Variants in PDE4D observed in about 807,000 individuals in gnomAD.
PDE4D encodes the protein 3',5'-cyclic-AMP phosphodiesterase 4D.
PDE4D carries 24 observed loss-of-function variants against 87.4 expected under a neutral mutation model. That is an observed-to-expected ratio of 0.27 (90% CI 0.20 to 0.39). The LOEUF (loss-of-function observed/expected upper bound fraction) is 0.39. Ranked by LOEUF, PDE4D falls within the 10% of genes least tolerant of loss-of-function variation. The probability of loss-of-function intolerance (pLI) is 1.00; values close to 1 mark genes in which losing one functional copy is unlikely to be tolerated. For synonymous variants in PDE4D, 384 were observed against 383.2 expected (o/e 1.00, Z -0.02); for missense variants, 714 against 1,041.0 (o/e 0.69, Z 4.32).
At chr5:60,257,264 AAGAG>A (rs201618741) in intron 1 of PDE4D, among the ~76,000 whole-genome samples, 4,042 of 151,224 alleles carry the variant, frequency 0.027, 204 homozygotes, top group African/African-American at 0.093. Context: ...AAAGAAAAGA[AAGAG>A]AGAAAGAGAA....
At chr5:59,148,346 T>C (rs919957512) in intron 5 of PDE4D, among the ~76,000 whole-genome samples, 20 of 152,212 alleles carry the variant, frequency 1.3e-4, no homozygotes, top group Middle Eastern at 3.2e-3. Flanking sequence ...TTCATTTTTC[T>C]TTTTACTATA....
intron 1 of PDE4D, among the ~76,000 whole-genome samples, chr5:60,215,981 T>G (rs1743813699): frequency 6.6e-6 from 1 of 152,146 alleles, no homozygotes; most frequent in Non-Finnish European, 1.5e-5. Context: ...GCCATAAGAA[T>G]TTTATACTCA....
chr5:60,231,378 T>A (rs1185298993), intron 1 of PDE4D, among the ~76,000 whole-genome samples: 2 of 151,948 alleles, frequency 1.3e-5, no homozygotes, highest in Non-Finnish European at 1.5e-5. Context: ...ATAAACTTTG[T>A]GGCAAATTAT....
intron 1 of PDE4D, among the ~76,000 whole-genome samples, chr5:59,431,538 T>G (rs2153631936): frequency 6.6e-6 from 1 of 152,294 alleles, no homozygotes; most frequent in Admixed American, 6.5e-5. Flanking sequence ...TATTCTTCAG[T>G]AGCCAAATTC....
At chr5:60,320,732 A>T (rs1756172104) in intron 1 of PDE4D, among the ~76,000 whole-genome samples, 1 of 152,222 alleles carries the variant, frequency 6.6e-6, no homozygotes, top group Non-Finnish European at 1.5e-5. Flanking sequence ...ATCAATATTC[A>T]AAAATCGGTA....
chr5:59,317,239 A>C (rs1316276991), intron 1 of PDE4D, among the ~76,000 whole-genome samples: 1 of 152,164 alleles, frequency 6.6e-6, no homozygotes, highest in Non-Finnish European at 1.5e-5. Flanking sequence ...CAGCCAAGGA[A>C]AGTTTTAAGA....
At chr5:60,130,651 TCA>T (rs1191562435) in intron 2 of PDE4D, among the ~76,000 whole-genome samples, 4 of 152,206 alleles carry the variant, frequency 2.6e-5, no homozygotes, top group African/African-American at 9.6e-5. Flanking sequence ...ACTTGCACTG[TCA>T]CTGAACATCC....
intron 1 of PDE4D, among the ~76,000 whole-genome samples, chr5:59,421,595 C>G (rs1415575452): frequency 6.6e-6 from 1 of 151,800 alleles, no homozygotes; most frequent in African/African-American, 2.4e-5. Context: ...GTAATCAATC[C>G]AACAAAGAAA....
chr5:59,468,186 C>CT (rs1221525980), intron 1 of PDE4D, among the ~76,000 whole-genome samples: 1 of 152,024 alleles, frequency 6.6e-6, no homozygotes, highest in Non-Finnish European at 1.5e-5. Flanking sequence ...CTGTAATTTT[C>CT]TTTTTACTTG....
At chr5:59,833,459 G>A (rs776954671) in intron 1 of PDE4D, among the ~76,000 whole-genome samples, 14 of 152,020 alleles carry the variant, frequency 9.2e-5, no homozygotes, top group Non-Finnish European at 1.6e-4. Context: ...GAGATCCAGA[G>A]GGGAACAGGT....
At chr5:60,246,210 T>A (rs563460871) in intron 1 of PDE4D, among the ~76,000 whole-genome samples, 6 of 152,070 alleles carry the variant, frequency 3.9e-5, no homozygotes, top group African/African-American at 1.4e-4. Context: ...ATGAATTTAA[T>A]TAATATTAAC....
intron 1 of PDE4D, among the ~76,000 whole-genome samples, chr5:59,679,143 A>C (rs549616580): frequency 7.9e-5 from 12 of 152,226 alleles, no homozygotes; most frequent in Non-Finnish European, 1.2e-4. Context: ...TGTATTACAC[A>C]ATCGGCCTCT....
intron 1 of PDE4D, among the ~76,000 whole-genome samples, chr5:60,273,575 T>C (rs1751038566): frequency 6.6e-6 from 1 of 152,134 alleles, no homozygotes; most frequent in African/African-American, 2.4e-5. Context: ...GCAGGGAAAT[T>C]AGTTAGGACA....
At chr5:60,384,004 C>A (rs894949035) in intron 1 of PDE4D, among the ~76,000 whole-genome samples, 23 of 152,078 alleles carry the variant, frequency 1.5e-4, no homozygotes, top group African/African-American at 5.3e-4. Context: ...AGATTCTTAA[C>A]CACAAATAAC....
At chr5:59,327,394 T>C (rs1349330553) in intron 1 of PDE4D, among the ~76,000 whole-genome samples, 1 of 152,002 alleles carries the variant, frequency 6.6e-6, no homozygotes, top group Non-Finnish European at 1.5e-5. Context: ...GGTCAATAAT[T>C]AGCAACAGAG....
chr5:59,677,322 C>A (rs909517767), intron 1 of PDE4D, among the ~76,000 whole-genome samples: 1 of 152,080 alleles, frequency 6.6e-6, no homozygotes, highest in Non-Finnish European at 1.5e-5. Context: ...GTGATCTGGA[C>A]TCTCTTGATC....
At chr5:60,267,616 CTTG>C (rs532288482) in intron 1 of PDE4D, among the ~76,000 whole-genome samples, 5 of 152,132 alleles carry the variant, frequency 3.3e-5, no homozygotes, top group Non-Finnish European at 7.4e-5. Flanking sequence ...ATGAAAGCAC[CTTG>C]GCCAGTGCTG....
rs1446649143 is a variant in PDE4D at position 58,969,344 on chromosome 5, T to C, written c.*5320A>G. Reference sequence around the variant, plus strand: ...ATGGGGGATATCTCACACAGGATGGTTAGCAATGGCTCTGCGGCTCCAGGC... The same window carrying C: ...ATGGGGGATATCTCACACAGGATGGCTAGCAATGGCTCTGCGGCTCCAGGC... On this transcript the variant is annotated 3_prime_UTR_variant, in exon 15 of 15. Transcript: ENST00000340635. The C allele has an allele frequency of 6.6e-6, 1 of 152,224 alleles. No individual in the cohort carries two copies. The highest frequency in any genetic ancestry group is 1.5e-5 in the Non-Finnish European group (1 of 68,052). 9.4% of individuals were successfully genotyped at this position (152,224 alleles called of 1,614,324 possible). A position where few individuals can be genotyped will look rare whatever the true frequency, so the allele number is the denominator to read the frequency against.
intron 2 of PDE4D, among the ~76,000 whole-genome samples, chr5:60,024,814 A>C (rs1766451708): frequency 6.6e-6 from 1 of 152,200 alleles, no homozygotes; most frequent in Non-Finnish European, 1.5e-5. Context: ...CATATAAATC[A>C]ATTTGGAAAA....
Sources: gnomAD v4.1 joint callset for allele counts (sites outside exome capture counted in the v4.1 genomes callset) on GRCh38, gnomAD v4.1.1 for gene constraint, MANE v1.5 for transcripts, NCBI Gene and HGNC (gene_info 2026-07-23, HGNC 2026-07-21) for gene names.